DPYSL5: variants seen among roughly 807,000 people sequenced by gnomAD.
DPYSL5 encodes dihydropyrimidinase-related protein 5.
DPYSL5 carries 9 observed loss-of-function variants against 58.4 expected under a neutral mutation model. The observed-to-expected ratio is 0.15, with a 90% CI of 0.09 to 0.27. The LOEUF (loss-of-function observed/expected upper bound fraction) is 0.27. Ranked by LOEUF, DPYSL5 falls within the 10% of genes least tolerant of loss-of-function variation. The pLI, the probability that DPYSL5 is intolerant of heterozygous loss-of-function variation, is 1.00. For synonymous variants in DPYSL5, 293 were observed against 301.9 expected (o/e 0.97, Z 0.31); for missense variants, 499 against 770.6 (o/e 0.65, Z 4.17).
intron 1 of DPYSL5, among the ~76,000 whole-genome samples, chr2:26,879,052 C>A (rs988173150): frequency 6.6e-6 from 1 of 152,218 alleles, no homozygotes; most frequent in Non-Finnish European, 1.5e-5. Flanking sequence ...AACTTGTGAG[C>A]TCCATGAGAG....
At chr2:26,945,246 C>G (rs1043168942) in intron 12 of DPYSL5, among the ~76,000 whole-genome samples, 1 of 152,020 alleles carries the variant, frequency 6.6e-6, no homozygotes, top group South Asian at 2.1e-4. Context: ...CTTCTGCTAC[C>G]CCCTCTCCTC....
At chr2:26,932,981 G>T (rs4665929) in intron 6 of DPYSL5, among the ~76,000 whole-genome samples, 55,240 of 152,090 alleles carry the variant, frequency 0.36, 10,736 homozygotes, top group Admixed American at 0.53. Flanking sequence ...GAGAAAATGC[G>T]AGGTTCAGAC....
chr2:26,902,150 G>T (rs745462891), intron 2 of DPYSL5, among the ~76,000 whole-genome samples: 2 of 152,180 alleles, frequency 1.3e-5, no homozygotes, highest in Non-Finnish European at 2.9e-5. Flanking sequence ...CAAAAAGGAG[G>T]TTATCTCCGT....
intron 2 of DPYSL5, among the ~76,000 whole-genome samples, chr2:26,921,326 C>T (rs1033479683): frequency 6.6e-6 from 1 of 152,170 alleles, no homozygotes; most frequent in Non-Finnish European, 1.5e-5. Context: ...ATGGTGAAAC[C>T]CCGTCTCTAG....
intron 1 of DPYSL5, among the ~76,000 whole-genome samples, chr2:26,856,168 C>T (rs958400215): frequency 6.6e-6 from 1 of 152,072 alleles, no homozygotes; most frequent in Non-Finnish European, 1.5e-5. Flanking sequence ...ATGTAATCTG[C>T]ACCAAATTAA....
chr2:26,854,060 T>G (rs1003877749), intron 1 of DPYSL5, among the ~76,000 whole-genome samples: 16 of 151,468 alleles, frequency 1.1e-4, no homozygotes, highest in Non-Finnish European at 2.2e-4. Flanking sequence ...AAAAATAAAG[T>G]CAACTGATTA....
At position 26,944,722 on chromosome 2, in the gene DPYSL5, G is replaced by C. The variant is rs1649731288; in HGVS notation, c.1507G>C (p.Gly503Arg). The change falls in exon 12 of 13, where the codon GGG becomes CGG. Residue 503 changes from glycine (G) to arginine (R), a missense_variant. Gly to Arg is a moderately radical substitution (Grantham distance 125). This residue lies in a region of DPYSL5 where 62 missense variants were observed against 59.2 expected (regional missense o/e 1.05). Coordinates refer to ENST00000288699, the MANE Select transcript of DPYSL5 (RefSeq NM_020134.4). This position sits in a 1 kb window ranked among gnomAD's most constrained non-coding sequence, Gnocchi z 4.4. ...GGATGTCGCTGTTGTCGTGCACCCT[G>C]GGAAAAAAGAGATGGGAACCCCACT... ...LGDVAVVVHP[G>R]KKEMGTPLAD... 2 of 1,614,030 alleles carry C rather than the reference G, an allele frequency of 1.2e-6. No homozygotes were observed. Among genetic ancestry groups the C allele is most frequent in the South Asian group, 2.2e-5 (2 of 91,074 alleles).
At chr2:26,919,992 A>G (rs1270156219) in intron 2 of DPYSL5, among the ~76,000 whole-genome samples, 1 of 152,266 alleles carries the variant, frequency 6.6e-6, no homozygotes, top group African/African-American at 2.4e-5. Flanking sequence ...AAAAGAATAT[A>G]GACAGTATGA....
chr2:26,876,159 A>C (rs1264720003), intron 1 of DPYSL5, among the ~76,000 whole-genome samples: 1 of 152,198 alleles, frequency 6.6e-6, no homozygotes, highest in Non-Finnish European at 1.5e-5. Flanking sequence ...GGTAGCAGCC[A>C]AGTAGGCCAG....
In DPYSL5 at chr2:26,942,146, A is replaced by C. The variant is rs1665339416; in HGVS notation, c.1232+54A>C. 6.2e-7 allele frequency: 1 copy of C among 1,605,922 alleles called. No individual in the cohort carries two copies. The highest frequency in any genetic ancestry group is 1.7e-5 in the Admixed American group (1 of 58,652). On this transcript the variant is annotated intron_variant, in intron 10 of 12. Coordinates refer to ENST00000288699, the MANE Select transcript of DPYSL5 (RefSeq NM_020134.4). This position sits in a 1 kb window ranked among gnomAD's most constrained non-coding sequence, Gnocchi z 5.9. Reference sequence around the variant, plus strand: ...AGAGGGGCTTGGGATTTTGAAGAAGACTTGCATTACAGATCTCCAAAAGCA... The same window carrying C: ...AGAGGGGCTTGGGATTTTGAAGAAGCCTTGCATTACAGATCTCCAAAAGCA...
intron 1 of DPYSL5, among the ~76,000 whole-genome samples, chr2:26,854,821 C>A (rs1439848930): frequency 6.6e-6 from 1 of 151,450 alleles, no homozygotes; most frequent in Non-Finnish European, 1.5e-5. Flanking sequence ...TTTTCTTTTT[C>A]TTTTCCTTTC....
chr2:26,913,523 C>T (rs992223837), intron 2 of DPYSL5, among the ~76,000 whole-genome samples: 21 of 152,190 alleles, frequency 1.4e-4, no homozygotes, highest in African/African-American at 4.8e-4. Flanking sequence ...TCTATGGATA[C>T]CTAGGTTGCT....
intron 5 of DPYSL5, among the ~76,000 whole-genome samples, chr2:26,929,991 T>C (rs564014476): frequency 3.3e-4 from 50 of 152,290 alleles, no homozygotes; most frequent in African/African-American, 1.2e-3. Flanking sequence ...CCATGAGGGA[T>C]TGAGGGGGAG....
rs535438247 is a variant in DPYSL5 at position 26,877,783 on chromosome 2, A to T, written c.-4-20713A>T. Among the ~76,000 whole-genome samples, 1 of 152,350 alleles carries T rather than the reference A, an allele frequency of 6.6e-6. No homozygotes were observed. The highest frequency in any genetic ancestry group is 1.9e-4 in the East Asian group (1 of 5,196). ...CATATAAATACACATATAGATAAAC[A>T]TACCTTGGGTTCTGGTTTTGTCCTG... On this transcript the variant is annotated intron_variant, in intron 1 of 12. Coordinates refer to ENST00000288699, the MANE Select transcript of DPYSL5 (RefSeq NM_020134.4). This position sits in a 1 kb window ranked among gnomAD's most constrained non-coding sequence, Gnocchi z 4.1.
chr2:26,860,292 G>C (rs1665978911), intron 1 of DPYSL5, among the ~76,000 whole-genome samples: 1 of 152,206 alleles, frequency 6.6e-6, no homozygotes, highest in Non-Finnish European at 1.5e-5. Flanking sequence ...ATTGGAGAAT[G>C]TAAACTTCTC....
intron 2 of DPYSL5, among the ~76,000 whole-genome samples, chr2:26,912,502 C>G (rs1463654771): frequency 6.6e-6 from 1 of 150,802 alleles, no homozygotes; most frequent in African/African-American, 2.5e-5. Flanking sequence ...CTGTAAACGT[C>G]CCTTTTTGGG....
chr2:26,902,948 G>T (rs1182184224), intron 2 of DPYSL5, among the ~76,000 whole-genome samples: 1 of 152,096 alleles, frequency 6.6e-6, no homozygotes, highest in Non-Finnish European at 1.5e-5. Context: ...AAAAAAGGAG[G>T]CACGAATAAT....
rs1348611513 is a variant in DPYSL5 at position 26,933,373 on chromosome 2, G to A, written c.790+40G>A. Reference sequence around the variant, plus strand: ...TTGGCTGGACAGAGCAGGTCAAGTGGAGGGACTGGAGATGGATGGGGCCCA... The same window carrying A: ...TTGGCTGGACAGAGCAGGTCAAGTGAAGGGACTGGAGATGGATGGGGCCCA... On this transcript the variant is annotated intron_variant, in intron 7 of 12. Transcript: ENST00000288699. This position sits in a 1 kb window ranked among gnomAD's most constrained non-coding sequence, Gnocchi z 4.2. The A allele has an allele frequency of 1.1e-5, 17 of 1,584,382 alleles. No individual in the cohort carries two copies. Among genetic ancestry groups the A allele is most frequent in the Non-Finnish European group, 1.4e-5 (16 of 1,154,408 alleles).
At chr2:26,888,685 G>A (rs1209424901) in intron 1 of DPYSL5, among the ~76,000 whole-genome samples, 2 of 152,170 alleles carry the variant, frequency 1.3e-5, no homozygotes, top group Non-Finnish European at 2.9e-5. Context: ...AAAATAACTG[G>A]ATGATCAAAG....
Sources: gnomAD v4.1 joint callset for allele counts (sites outside exome capture counted in the v4.1 genomes callset) on GRCh38, gnomAD v4.1.1 for gene constraint, gnomAD v4.1.1 regional missense constraint, Gnocchi (gnomAD v3.1) non-coding constraint, MANE v1.5 for transcripts, NCBI Gene and HGNC (gene_info 2026-07-23, HGNC 2026-07-21) for gene names.